Variants in ARHGAP31 observed in about 807,000 individuals in gnomAD.
ARHGAP31 encodes the protein Rho GTPase activating protein 31, also known as rho GTPase-activating protein 31.
In ARHGAP31, 34 loss-of-function variants were observed where a neutral mutation model predicts 113.9. That is an observed-to-expected ratio of 0.30 (90% CI 0.23 to 0.40). The LOEUF is 0.40. ARHGAP31 is among the 10% of genes least tolerant of loss of function. ARHGAP31 has a pLI of 1.00. For synonymous variants in ARHGAP31, 650 were observed against 684.8 expected, an observed-to-expected ratio of 0.95 and a Z score of 0.79; for missense variants, 1,548 against 1,767.1, an observed-to-expected ratio of 0.88 and a Z score of 2.22.
chr3:119,324,683 A>C (rs1184700534), intron 1 of ARHGAP31, among the ~76,000 whole-genome samples: 1 of 152,256 alleles, frequency 6.6e-6, no homozygotes, highest in African/African-American at 2.4e-5. Flanking sequence ...TCCTCAAAGA[A>C]TGTTTAAGGA....
chr3:119,332,349 G>T (rs991549261), intron 1 of ARHGAP31, among the ~76,000 whole-genome samples: 1 of 151,784 alleles, frequency 6.6e-6, no homozygotes, highest in Non-Finnish European at 1.5e-5. Flanking sequence ...ACAGGCGCCC[G>T]ACACCATGCC....
In ARHGAP31 at chr3:119,416,444, G is replaced by A. The variant is rs899264701; in HGVS notation, c.*180G>A. On this transcript the variant is annotated 3_prime_UTR_variant, in exon 12 of 12. Coordinates refer to ENST00000264245, the MANE Select transcript of ARHGAP31 (RefSeq NM_020754.4). Reference sequence around the variant, plus strand: ...GTCCATTTGCTAGAAGAGTGGTCAAGGGAAAAACGAGAGATGAAATTTAGT... The same window carrying A: ...GTCCATTTGCTAGAAGAGTGGTCAAAGGAAAAACGAGAGATGAAATTTAGT... 1 of 853,784 alleles carries A rather than the reference G, an allele frequency of 1.2e-6. No homozygotes were observed. Among genetic ancestry groups the A allele is most frequent in the South Asian group, 1.6e-5 (1 of 61,912 alleles). The allele number at this position is 853,784 out of a possible 1,614,324, so 52.9% of individuals were successfully genotyped here.
chr3:119,385,746 G>A (rs1452527919), intron 6 of ARHGAP31, among the ~76,000 whole-genome samples: 1 of 152,238 alleles, frequency 6.6e-6, no homozygotes, highest in African/African-American at 2.4e-5. Context: ...GAATAGCTTA[G>A]TAACTTCCCA....
Position 119,402,748 on chromosome 3 carries a change from A to G in ARHGAP31, c.1645+351A>G, listed in dbSNP as rs371873003. Among the ~76,000 whole-genome samples, 13 of 152,388 alleles carry G rather than the reference A, an allele frequency of 8.5e-5. No homozygotes were observed. In the South Asian group the frequency reaches 1.7e-3, roughly 19 times the overall value. ...ACCTATTATTATTTTATTTGCTCAC[A>G]GAGTGAGAAGGCAGGAGAAAAACTC... is the stretch of plus-strand genomic sequence containing the variant. On this transcript the variant is annotated intron_variant, in intron 10 of 11. Coordinates refer to ENST00000264245, the MANE Select transcript of ARHGAP31 (RefSeq NM_020754.4).
At chr3:119,299,168 A>G (rs1327772507) in intron 1 of ARHGAP31, among the ~76,000 whole-genome samples, 1 of 143,686 alleles carries the variant, frequency 7.0e-6, no homozygotes, top group African/African-American at 3.0e-5. Flanking sequence ...AGCTTTAAGA[A>G]AAAAATGCTG....
intron 1 of ARHGAP31, among the ~76,000 whole-genome samples, chr3:119,356,490 G>A (rs1396276867): frequency 3.9e-5 from 6 of 152,080 alleles, no homozygotes; most frequent in African/African-American, 1.4e-4. Context: ...AATTAGCCAG[G>A]TGTGGTGGCA....
rs1389629490 is a variant in ARHGAP31, at chr3:119,332,631, TCTCTCACACACACACACACA to T, written c.101-32683_101-32664del. Among the ~76,000 whole-genome samples the T allele has an allele frequency of 8.3e-3, 953 of 115,272 alleles. 4 individuals carry two copies. Among genetic ancestry groups the T allele is most frequent in the Non-Finnish European group, 9.9e-3 (557 of 56,422 alleles). The allele number at this position is 115,272 out of a possible 152,430, so 75.6% of individuals were successfully genotyped here. On this transcript the variant is annotated intron_variant, in intron 1 of 11. Transcript: ENST00000264245. Reference sequence around the variant, plus strand: ...CTCTCTCTCTCTCTCTCTCTCTCTCTCTCTCACACACACACACACACACACACACACACACACACACACAC... The same window carrying T: ...CTCTCTCTCTCTCTCTCTCTCTCTCTCACACACACACACACACACACACAC...
At chr3:119,403,230 G>T (rs1577031429) in intron 10 of ARHGAP31, among the ~76,000 whole-genome samples, 2 of 152,140 alleles carry the variant, frequency 1.3e-5, no homozygotes, top group South Asian at 4.1e-4. Context: ...AGGTTGTCAG[G>T]CACTCTCCTA....
chr3:119,375,695 C>T (rs1324864915), intron 3 of ARHGAP31, among the ~76,000 whole-genome samples: 1 of 151,924 alleles, frequency 6.6e-6, no homozygotes, highest in Non-Finnish European at 1.5e-5. Context: ...ACTATTACAC[C>T]CAAAACAGGA....
At chr3:119,311,859 T>A (rs1312136250) in intron 1 of ARHGAP31, among the ~76,000 whole-genome samples, 2 of 152,206 alleles carry the variant, frequency 1.3e-5, no homozygotes, top group Non-Finnish European at 2.9e-5. Context: ...CAGTTCTGAC[T>A]CAGAGGAGTG....
chr3:119,329,831 G>A (rs995163924), intron 1 of ARHGAP31: 1 of 985,376 alleles, frequency 1.0e-6, no homozygotes, highest in African/African-American at 1.7e-5. Context: ...AGAGGAGTCT[G>A]TCCGCACTGT....
intron 6 of ARHGAP31, among the ~76,000 whole-genome samples, chr3:119,386,441 T>G (rs1369399356): frequency 6.6e-6 from 1 of 152,172 alleles, no homozygotes; most frequent in Non-Finnish European, 1.5e-5. Flanking sequence ...ACAAGCTCCC[T>G]TGGGCCTCTT....
At chr3:119,388,142 A>G (rs1268077267) in intron 6 of ARHGAP31, among the ~76,000 whole-genome samples, 1 of 152,198 alleles carries the variant, frequency 6.6e-6, no homozygotes, top group Non-Finnish European at 1.5e-5. Flanking sequence ...GTGGGTACCA[A>G]AGACCAAAGT....
At chr3:119,381,648 T>C (rs527568445) in intron 4 of ARHGAP31, among the ~76,000 whole-genome samples, 16 of 152,304 alleles carry the variant, frequency 1.1e-4, no homozygotes, top group African/African-American at 3.8e-4. Context: ...CAAAACTGCT[T>C]GGAGGCCATC....
intron 7 of ARHGAP31, among the ~76,000 whole-genome samples, chr3:119,391,604 C>CCCCCCCA (rs1559990429): frequency 8.8e-6 from 1 of 113,396 alleles, no homozygotes; most frequent in Non-Finnish European, 1.8e-5. Flanking sequence ...CCCCTCCCCC[C>CCCCCCCA]CGCCGTCACT....
chr3:119,301,294 G>A (rs2079582657), intron 1 of ARHGAP31, among the ~76,000 whole-genome samples: 1 of 152,200 alleles, frequency 6.6e-6, no homozygotes, highest in Admixed American at 6.5e-5. Context: ...GGGCTGCTAA[G>A]GAAGCCCACT....
chr3:119,409,890 C>T (rs1420477176), intron 11 of ARHGAP31, 114 bp downstream of exon 11: 2 of 1,120,326 alleles, frequency 1.8e-6, no homozygotes, highest in Non-Finnish European at 2.5e-6. Context: ...TCAGTTTCTG[C>T]CAAAGGGACT....
chr3:119,361,833 G>A (rs1326191094), intron 1 of ARHGAP31, among the ~76,000 whole-genome samples: 1 of 152,174 alleles, frequency 6.6e-6, no homozygotes, highest in Non-Finnish European at 1.5e-5. Context: ...GAGTAACAAC[G>A]ATGGAGAATT....
At chr3:119,407,986 T>A (rs919224035) in intron 10 of ARHGAP31, among the ~76,000 whole-genome samples, 2 of 152,194 alleles carry the variant, frequency 1.3e-5, no homozygotes, top group African/African-American at 4.8e-5. Context: ...CAATACAGTA[T>A]AACAGCTATT....
Sources: gnomAD v4.1 joint callset for allele counts (sites outside exome capture counted in the v4.1 genomes callset) on GRCh38, gnomAD v4.1.1 for gene constraint, MANE v1.5 for transcripts, NCBI Gene and HGNC (gene_info 2026-07-23, HGNC 2026-07-21) for gene names.